Variants in PREP observed in about 807,000 individuals in gnomAD.
PREP encodes prolyl endopeptidase, also known as dJ355L5.1 (prolyl endopeptidase).
A neutral mutation model predicts 87.6 loss-of-function variants in PREP; 29 were observed. The observed-to-expected ratio is 0.33, with a 90% CI of 0.25 to 0.45. The LOEUF is 0.45. PREP is among the 20% of genes least tolerant of loss of function. The pLI, the probability that PREP is intolerant of heterozygous loss-of-function variation, is 1.00. For missense variants in PREP, 695 were observed against 886.5 expected (o/e 0.78, Z 2.74); for synonymous variants, 337 against 328.6 (o/e 1.03, Z -0.28).
At chr6:105,342,001 A>G (rs1211207552) in intron 7 of PREP, among the ~76,000 whole-genome samples, 2 of 152,242 alleles carry the variant, frequency 1.3e-5, no homozygotes, top group African/African-American at 4.8e-5. Context: ...TCCAATCAAT[A>G]GAAAAAGAGG....
chr6:105,318,233 G>A lies in PREP; in HGVS notation c.1317+5432C>T, dbSNP rs372441462. Among the ~76,000 whole-genome samples, 26 of 152,046 alleles carry A rather than the reference G, an allele frequency of 1.7e-4. No individual in the cohort carries two copies. In the East Asian group the frequency reaches 3.3e-3, roughly 19 times the overall value. On this transcript the variant is annotated intron_variant, in intron 10 of 14. Coordinates refer to ENST00000652536, the MANE Select transcript of PREP (RefSeq NM_002726.5). ...TACATCTCAAAACCTCTTTGCAACCGAGTGTGAGTATGTTTTCACCAATAA... is the reference window on the plus strand; with the variant it reads ...TACATCTCAAAACCTCTTTGCAACCAAGTGTGAGTATGTTTTCACCAATAA...
At chr6:105,325,497 A>G (rs1308566682) in intron 9 of PREP, among the ~76,000 whole-genome samples, 1 of 152,242 alleles carries the variant, frequency 6.6e-6, no homozygotes, top group Non-Finnish European at 1.5e-5. Context: ...AATGAAATAA[A>G]TATGCAACAG....
chr6:105,354,382 C>A (rs567535975), intron 6 of PREP, among the ~76,000 whole-genome samples: 144 of 152,228 alleles, frequency 9.5e-4, no homozygotes, highest in South Asian at 1.2e-3. Context: ...AGTGGTTGTA[C>A]CAACTTACAC....
chr6:105,377,277 A>G, intron 3 of PREP, 109 bp downstream of exon 3: 3 of 1,248,228 alleles, frequency 2.4e-6, no homozygotes, highest in Non-Finnish European at 3.3e-6. Flanking sequence ...TTAATTCCTT[A>G]TAATGAATTA....
intron 7 of PREP, among the ~76,000 whole-genome samples, chr6:105,339,634 C>G (rs1350455105): frequency 6.6e-6 from 1 of 151,998 alleles, no homozygotes; most frequent in African/African-American, 2.4e-5. Context: ...AAGCTAAAAA[C>G]CTTGAAAAAA....
intron 11 of PREP, among the ~76,000 whole-genome samples, chr6:105,286,460 C>T (rs1471334979): frequency 6.6e-6 from 1 of 152,170 alleles, no homozygotes; most frequent in Non-Finnish European, 1.5e-5. Context: ...AGCACAAACC[C>T]TCTAGGAAAG....
At position 105,302,875 on chromosome 6, in the gene PREP, T is replaced by C. The variant is rs925919883; in HGVS notation, c.1318-13981A>G. On this transcript the variant is annotated intron_variant, in intron 10 of 14. Coordinates refer to ENST00000652536, the MANE Select transcript of PREP (RefSeq NM_002726.5). ...GCTCCGAGGGCTAAATACTCTCTTTTTGACCCTCAAATACCTATACCAGCT... is the reference window on the plus strand; with the variant it reads ...GCTCCGAGGGCTAAATACTCTCTTTCTGACCCTCAAATACCTATACCAGCT... 4 of 306,680 alleles carry C rather than the reference T, an allele frequency of 1.3e-5. 1 individual carries two copies. Among genetic ancestry groups the C allele is most frequent in the South Asian group, 1.1e-4 (4 of 36,812 alleles). The allele number at this position is 306,680 out of a possible 1,614,324, so 19.0% of individuals were successfully genotyped here. A position where few individuals can be genotyped will look rare whatever the true frequency, so the allele number is the denominator to read the frequency against.
rs1424105576 is a variant in PREP, at chr6:105,337,457, C to A, written c.824-3952G>T. Among the ~76,000 whole-genome samples, 6 of 152,288 alleles carry A rather than the reference C, an allele frequency of 3.9e-5. 2 individuals carry two copies. Among genetic ancestry groups the A allele is most frequent in the Admixed American group, 3.9e-4 (6 of 15,306 alleles). On this transcript the variant is annotated intron_variant, in intron 7 of 14. Transcript: ENST00000652536. ...TGTTTTAGGAGAATTCACATCCTGT[C>A]TTCCCCGACCCCTCCTAGTGCCTAG...
intron 7 of PREP, among the ~76,000 whole-genome samples, chr6:105,351,648 A>T (rs1365528677): frequency 6.6e-6 from 1 of 152,186 alleles, no homozygotes; most frequent in African/African-American, 2.4e-5. Context: ...TTTATTCTCT[A>T]TATTTGGAAC....
rs146759488 is a variant in PREP, at chr6:105,382,270, AACACAC to A, written c.121-4757_121-4752del. Reference sequence around the variant, plus strand: ...GCTAAGAGGGATTTTAAGCGTTCTCAACACACACACACACACACACACACACACACA... The same window carrying A: ...GCTAAGAGGGATTTTAAGCGTTCTCAACACACACACACACACACACACACA... On this transcript the variant is annotated intron_variant, in intron 2 of 14. Coordinates refer to ENST00000652536, the MANE Select transcript of PREP (RefSeq NM_002726.5). Among the ~76,000 whole-genome samples, 794 of 143,094 alleles carry A rather than the reference AACACAC, an allele frequency of 5.5e-3. 2 individuals are homozygous for A. Among genetic ancestry groups the A allele is most frequent in the Non-Finnish European group, 5.1e-3 (333 of 65,146 alleles). The allele number at this position is 143,094 out of a possible 152,430, so 93.9% of individuals were successfully genotyped here. A position where few individuals can be genotyped will look rare whatever the true frequency, so the allele number is the denominator to read the frequency against.
intron 5 of PREP, among the ~76,000 whole-genome samples, chr6:105,371,131 A>G (rs545523272): frequency 6.6e-6 from 1 of 152,356 alleles, no homozygotes; most frequent in South Asian, 2.1e-4. Flanking sequence ...GGCAGGAGGC[A>G]CATGAGAAGT....
intron 6 of PREP, among the ~76,000 whole-genome samples, chr6:105,365,140 G>A (rs1275295830): frequency 1.3e-5 from 2 of 152,134 alleles, no homozygotes; most frequent in African/African-American, 4.8e-5. Context: ...CCAGCTACTC[G>A]GGAGGCTGAG....
intron 10 of PREP, among the ~76,000 whole-genome samples, chr6:105,316,171 T>C (rs1429872887): frequency 6.6e-6 from 1 of 152,214 alleles, no homozygotes; most frequent in African/African-American, 2.4e-5. Context: ...AGCATAATAA[T>C]TTCTAGCTTT....
chr6:105,297,813 A>G lies in PREP; in HGVS notation c.1318-8919T>C, dbSNP rs1010830550. ...GTACAATAGATCCAGTTCAACAAGG[A>G]GCCTGGACCTGGCACCCCCTTTCAC... On this transcript the variant is annotated intron_variant, in intron 10 of 14. Transcript: ENST00000652536. Among the ~76,000 whole-genome samples the G allele has an allele frequency of 1.6e-4, 24 of 152,072 alleles. 1 individual carries two copies.
At chr6:105,355,412 G>C (rs1772071464) in intron 6 of PREP, among the ~76,000 whole-genome samples, 1 of 152,172 alleles carries the variant, frequency 6.6e-6, no homozygotes, top group South Asian at 2.1e-4. Flanking sequence ...ACCCCATTAA[G>C]AAGGCATCTT....
At chr6:105,379,948 T>C (rs1242630035) in intron 2 of PREP, among the ~76,000 whole-genome samples, 2 of 152,222 alleles carry the variant, frequency 1.3e-5, no homozygotes, top group Non-Finnish European at 2.9e-5. Flanking sequence ...CAGATCAGTG[T>C]TGGCCTGAAC....
At chr6:105,304,235 A>T (rs1247391479) in intron 10 of PREP, among the ~76,000 whole-genome samples, 1 of 152,226 alleles carries the variant, frequency 6.6e-6, no homozygotes, top group Non-Finnish European at 1.5e-5. Flanking sequence ...GAGATAATCT[A>T]AAGTGTGTGG....
chr6:105,316,433 G>A (rs1237172289), intron 10 of PREP, among the ~76,000 whole-genome samples: 4 of 152,142 alleles, frequency 2.6e-5, no homozygotes, highest in Non-Finnish European at 4.4e-5. Context: ...TCACATCAAA[G>A]CTCACTGTGA....
intron 5 of PREP, among the ~76,000 whole-genome samples, chr6:105,371,156 C>T (rs183673708): frequency 2.0e-5 from 3 of 152,282 alleles, no homozygotes; most frequent in Non-Finnish European, 4.4e-5. Context: ...GTATTTTCCT[C>T]TCAATTTTGC....
Sources: allele counts gnomAD v4.1 joint callset (sites outside exome capture counted in the v4.1 genomes callset), GRCh38; gene constraint gnomAD v4.1.1; transcripts MANE v1.5; gene names NCBI Gene and HGNC (gene_info 2026-07-23, HGNC 2026-07-21).